ADCK1: variants seen among roughly 807,000 people sequenced by gnomAD.
ADCK1 encodes the protein aarF domain containing kinase 1.
A neutral mutation model predicts 52.3 loss-of-function variants in ADCK1; 41 were observed. The ratio of observed to expected loss-of-function variants is 0.78; its 90% confidence interval spans 0.61 to 1.02. The LOEUF (loss-of-function observed/expected upper bound fraction) is 1.02, where lower values mean the gene tolerates loss of function less well. ADCK1 is among the 50% of genes least tolerant of loss of function. The pLI is 0.00. For synonymous variants in ADCK1, 250 were observed against 274.6 expected (o/e 0.91, Z 0.89); for missense variants, 658 against 679.5 (o/e 0.97, Z 0.35).
At chr14:77,926,600 C>G (rs1436221178) in intron 9 of ADCK1, among the ~76,000 whole-genome samples, 1 of 152,210 alleles carries the variant, frequency 6.6e-6, no homozygotes, top group Non-Finnish European at 1.5e-5. Flanking sequence ...CCTGTCTCAG[C>G]CTCCTGAGTA....
intron 1 of ADCK1, among the ~76,000 whole-genome samples, chr14:77,816,699 CT>C (rs1231361198): frequency 1.3e-5 from 2 of 151,658 alleles, no homozygotes. Flanking sequence ...CTGTGAGTTG[CT>C]GCAGCAGCTT....
intron 4 of ADCK1, among the ~76,000 whole-genome samples, chr14:77,880,427 A>T (rs1017062345): frequency 1.3e-5 from 2 of 152,220 alleles, no homozygotes; most frequent in Admixed American, 6.6e-5. Flanking sequence ...CAGAACCAAT[A>T]GTTTGATCTT....
At chr14:77,809,292 T>A (rs888642428) in intron 1 of ADCK1, among the ~76,000 whole-genome samples, 10 of 152,134 alleles carry the variant, frequency 6.6e-5, no homozygotes, top group Non-Finnish European at 1.5e-4. Flanking sequence ...TCAGGCAAGA[T>A]ATGATGGCCT....
At chr14:77,816,832 G>C (rs2081461448) in intron 1 of ADCK1, among the ~76,000 whole-genome samples, 1 of 145,158 alleles carries the variant, frequency 6.9e-6, no homozygotes, top group African/African-American at 2.5e-5. Flanking sequence ...CTTGGGGACT[G>C]GGCCCTCAAC....
chr14:77,849,060 C>T (rs61050485), intron 3 of ADCK1, among the ~76,000 whole-genome samples: 20,740 of 152,046 alleles, frequency 0.14, 1,490 homozygotes, highest in Middle Eastern at 0.19. Flanking sequence ...CATCTCCTGA[C>T]CTCGTGATCT....
chr14:77,872,185 T>G (rs1270180004), intron 4 of ADCK1, among the ~76,000 whole-genome samples: 3 of 152,198 alleles, frequency 2.0e-5, no homozygotes, highest in African/African-American at 2.4e-5. Flanking sequence ...TCAGAGAGAT[T>G]GGCGTCCCTT....
chr14:77,821,599 GGC>G (rs1419055623), intron 2 of ADCK1, among the ~76,000 whole-genome samples: 1 of 151,906 alleles, frequency 6.6e-6, no homozygotes, highest in Non-Finnish European at 1.5e-5. Context: ...ATGCTATTAG[GGC>G]CAGGCGCGGT....
intron 1 of ADCK1, among the ~76,000 whole-genome samples, chr14:77,802,590 T>G (rs2081134051): frequency 6.6e-6 from 1 of 151,338 alleles, no homozygotes; most frequent in Non-Finnish European, 1.5e-5. Context: ...TTCCTTTATT[T>G]AATCAACATT....
Position 77,933,487 on chromosome 14 carries a change from C to T in ADCK1, c.*96C>T. The stretch of plus-strand genomic sequence containing the variant: ...CTGCTCCATTTTTGCCACATCGTGG[C>T]CCGCAGCCCCAGAGTCACTGTCCAT... On this transcript the variant is annotated 3_prime_UTR_variant, in exon 11 of 11. Transcript: ENST00000238561. The T allele has an allele frequency of 2.1e-6, 3 of 1,461,984 alleles. No homozygotes were observed. The highest frequency in any genetic ancestry group is 2.8e-6 in the Non-Finnish European group (3 of 1,055,172). 90.6% of individuals were successfully genotyped at this position (1,461,984 alleles called of 1,614,324 possible).
chr14:77,816,212 A>G (rs941629724), intron 1 of ADCK1, among the ~76,000 whole-genome samples: 8 of 152,118 alleles, frequency 5.3e-5, no homozygotes, highest in Non-Finnish European at 1.2e-4. Context: ...TCCAAAGGGA[A>G]GAGCAATGGA....
At chr14:77,889,317 ATATAAT>A (rs78332458) in intron 5 of ADCK1, among the ~76,000 whole-genome samples, 17,477 of 152,174 alleles carry the variant, frequency 0.11, 1,231 homozygotes, top group African/African-American at 0.2. Flanking sequence ...TAATTATAAC[ATATAAT>A]TATAATGAGT....
intron 3 of ADCK1, among the ~76,000 whole-genome samples, chr14:77,841,833 C>A (rs1350380033): frequency 8.5e-6 from 1 of 118,134 alleles, no homozygotes; most frequent in Admixed American, 1.1e-4. Flanking sequence ...GACAGAGTGA[C>A]AGAGTGACAC....
rs919775806 is a variant in ADCK1, at chr14:77,811,436, T to C, written c.-11-7532T>C. ...TGCCTATGGTCACCCAGTTCATAAG[T>C]GGCCATGCCAGGACTCAAACCTGGG... On this transcript the variant is annotated intron_variant, in intron 1 of 10. Transcript: ENST00000238561. Among the ~76,000 whole-genome samples the C allele has an allele frequency of 2.0e-5, 3 of 152,222 alleles. No individual in the cohort carries two copies. The South Asian group carries it at 6.2e-4, about 32-fold the overall frequency.
At chr14:77,837,577 C>A (rs772797706) in intron 3 of ADCK1, among the ~76,000 whole-genome samples, 14 of 152,210 alleles carry the variant, frequency 9.2e-5, no homozygotes, top group Non-Finnish European at 1.3e-4. Context: ...AGAATTAATG[C>A]CAAATGGTGC....
intron 6 of ADCK1, among the ~76,000 whole-genome samples, chr14:77,904,732 A>G (rs1284088401): frequency 2.6e-5 from 4 of 152,172 alleles, no homozygotes; most frequent in African/African-American, 9.6e-5. Flanking sequence ...GCAAAGAGGT[A>G]GAACCTGGAC....
At chr14:77,857,305 C>A (rs34500239) in intron 3 of ADCK1, among the ~76,000 whole-genome samples, 2,977 of 152,056 alleles carry the variant, frequency 0.02, 44 homozygotes, top group Non-Finnish European at 0.03. Context: ...ACAGTGAGAC[C>A]CTTTCTCAAA....
Position 77,878,524 on chromosome 14 carries a change from C to T in ADCK1, c.424-8567C>T, listed in dbSNP as rs116405794. ...GGCTTGCAGTGCTGGGTGCAGGGCCCGTCTTGCCTGGGTCTAATCTCCTGG... is the reference window on the plus strand; with the variant it reads ...GGCTTGCAGTGCTGGGTGCAGGGCCTGTCTTGCCTGGGTCTAATCTCCTGG... On this transcript the variant is annotated intron_variant, in intron 4 of 10. Coordinates refer to ENST00000238561, the MANE Select transcript of ADCK1 (RefSeq NM_020421.4). 6.4e-3 allele frequency among the ~76,000 whole-genome samples: 982 copies of T among 152,286 alleles called. 7 individuals carry two copies. Among genetic ancestry groups the T allele is most frequent in the African/African-American group, 0.023 (944 of 41,560 alleles).
intron 1 of ADCK1, among the ~76,000 whole-genome samples, chr14:77,808,233 T>C (rs1186810273): frequency 1.3e-5 from 2 of 152,044 alleles, no homozygotes; most frequent in African/African-American, 4.8e-5. Flanking sequence ...AGATTTCTCA[T>C]GGGGAGTTCT....
rs184272895 is a variant in ADCK1, at chr14:77,864,131, G to T, written c.423+4852G>T. Among the ~76,000 whole-genome samples the T allele has an allele frequency of 9.5e-4, 145 of 152,264 alleles. 1 individual carries two copies. Among genetic ancestry groups the T allele is most frequent in the Admixed American group, 2.5e-3 (38 of 15,296 alleles). ...TACGTAGGGACAAGCGTATGCTGCAGGTGCTCTGTGTTCTTGATGCACCAT... is the reference window on the plus strand; with the variant it reads ...TACGTAGGGACAAGCGTATGCTGCATGTGCTCTGTGTTCTTGATGCACCAT... On this transcript the variant is annotated intron_variant, in intron 4 of 10. Coordinates refer to ENST00000238561, the MANE Select transcript of ADCK1 (RefSeq NM_020421.4).
Sources: gnomAD v4.1 joint callset for allele counts (sites outside exome capture counted in the v4.1 genomes callset) on GRCh38, gnomAD v4.1.1 for gene constraint, MANE v1.5 for transcripts, NCBI Gene and HGNC (gene_info 2026-07-23, HGNC 2026-07-21) for gene names.